The following ENTREP2 variants were observed in gnomAD, a reference collection of about 807,000 sequenced individuals.
ENTREP2 encodes endosomal transmembrane epsin interactor 2.
the ENTREP2 span, among the ~76,000 whole-genome samples, chr15:29,499,942 G>C: frequency 1.3e-5 from 2 of 152,054 alleles, no homozygotes; most frequent in Non-Finnish European, 2.9e-5. Context: ...AATAGAGCTG[G>C]AGTGTATACA....
At chr15:29,530,558 A>T in the ENTREP2 span, among the ~76,000 whole-genome samples, 1 of 152,144 alleles carries the variant, frequency 6.6e-6, no homozygotes, top group Non-Finnish European at 1.5e-5. Context: ...AGAGCGGTTC[A>T]CCACTTTGGA....
At chr15:29,184,974 G>C in the ENTREP2 span, among the ~76,000 whole-genome samples, 1 of 152,010 alleles carries the variant, frequency 6.6e-6, no homozygotes, top group Non-Finnish European at 1.5e-5. Flanking sequence ...TACTCAGGAG[G>C]CTGAGGCAGG....
At chr15:29,205,191 A>C in the ENTREP2 span, among the ~76,000 whole-genome samples, 1 of 152,218 alleles carries the variant, frequency 6.6e-6, no homozygotes. Context: ...TATCAGATGC[A>C]TCTACCATAT....
chr15:29,407,671 T>C, the ENTREP2 span, among the ~76,000 whole-genome samples: 1 of 148,414 alleles, frequency 6.7e-6, no homozygotes, highest in Non-Finnish European at 1.5e-5. Context: ...TTGCTCCCCA[T>C]TTTTTTGGGT....
chr15:29,177,569 G>A, the ENTREP2 span, among the ~76,000 whole-genome samples: 25 of 152,280 alleles, frequency 1.6e-4, no homozygotes, highest in Admixed American at 1.2e-3. Flanking sequence ...GCACAGAGAT[G>A]AAAAGAGGAA....
chr15:29,345,150 C>G, the ENTREP2 span, among the ~76,000 whole-genome samples: 3 of 152,244 alleles, frequency 2.0e-5, no homozygotes, highest in Non-Finnish European at 4.4e-5. Flanking sequence ...GTAGTAAGTG[C>G]TTACTAAATG....
At chr15:29,437,686 A>G in the ENTREP2 span, among the ~76,000 whole-genome samples, 1 of 152,218 alleles carries the variant, frequency 6.6e-6, no homozygotes, top group Non-Finnish European at 1.5e-5. Flanking sequence ...GGTTGGATAA[A>G]ATGTGCTTGA....
At chr15:29,160,433 A>G in the ENTREP2 span, among the ~76,000 whole-genome samples, 2 of 151,950 alleles carry the variant, frequency 1.3e-5, no homozygotes, top group Non-Finnish European at 2.9e-5. Context: ...GCACGCTGTC[A>G]CCTCTCAGTA....
At chr15:29,404,803 G>C in the ENTREP2 span, among the ~76,000 whole-genome samples, 1 of 152,034 alleles carries the variant, frequency 6.6e-6, no homozygotes, top group Non-Finnish European at 1.5e-5. Flanking sequence ...AATACAGCCA[G>C]TGCTCCTGGA....
chr15:29,258,230 A>AAAAG, the ENTREP2 span, among the ~76,000 whole-genome samples: 964 of 127,088 alleles, frequency 7.6e-3, 15 homozygotes, highest in East Asian at 0.025. Flanking sequence ...AAAAAAAAAA[A>AAAAG]AAAGAAAGAA....
chr15:29,365,212 G>A, the ENTREP2 span, among the ~76,000 whole-genome samples: 1 of 150,002 alleles, frequency 6.7e-6, no homozygotes, highest in Admixed American at 6.6e-5. Flanking sequence ...ATTATGCAAA[G>A]TTTCTTCCAT....
At chr15:29,573,104 T>C in the ENTREP2 span, among the ~76,000 whole-genome samples, 5 of 152,196 alleles carry the variant, frequency 3.3e-5, no homozygotes, top group Non-Finnish European at 7.3e-5. Flanking sequence ...CTCCCATTTA[T>C]GAATGAGAGA....
chr15:29,331,009 C>T, the ENTREP2 span, among the ~76,000 whole-genome samples: 1 of 152,202 alleles, frequency 6.6e-6, no homozygotes, highest in South Asian at 2.1e-4. Context: ...ATCCCCAGGG[C>T]CAGGCTCAGG....
chr15:29,347,162 T>C, the ENTREP2 span, among the ~76,000 whole-genome samples: 1 of 148,878 alleles, frequency 6.7e-6, no homozygotes, highest in Middle Eastern at 3.4e-3. Context: ...GTCTCGTGTA[T>C]GGTTTCTTTT....
the ENTREP2 span, among the ~76,000 whole-genome samples, chr15:29,444,686 C>T: frequency 1.3e-5 from 2 of 152,162 alleles, no homozygotes; most frequent in Middle Eastern, 3.4e-3. Context: ...AGGCTGGTCT[C>T]GAACTCCTGA....
At chr15:29,142,280 C>A in the ENTREP2 span, among the ~76,000 whole-genome samples, 5,478 of 152,288 alleles carry the variant, frequency 0.036, 311 homozygotes, top group African/African-American at 0.12. Flanking sequence ...ATGACCACAG[C>A]CCCAAATGAG....
At chr15:29,508,120 C>T in the ENTREP2 span, among the ~76,000 whole-genome samples, 2 of 152,312 alleles carry the variant, frequency 1.3e-5, no homozygotes, top group East Asian at 1.9e-4. Context: ...ACTATAAACA[C>T]CTCTATGCGA....
the ENTREP2 span, among the ~76,000 whole-genome samples, chr15:29,540,202 C>G: frequency 6.6e-6 from 1 of 152,148 alleles, no homozygotes; most frequent in African/African-American, 2.4e-5. Context: ...AATAATCAAG[C>G]CAGGGTATCC....
chr15:29,454,497 A>T, the ENTREP2 span, among the ~76,000 whole-genome samples: 1 of 152,126 alleles, frequency 6.6e-6, no homozygotes, highest in African/African-American at 2.4e-5. Flanking sequence ...ATCCAGACTC[A>T]GCTCCCCCAC....
Sources: allele counts gnomAD v4.1 joint callset (sites outside exome capture counted in the v4.1 genomes callset), GRCh38; gene constraint gnomAD v4.1.1; transcripts MANE v1.5; gene names NCBI Gene and HGNC (gene_info 2026-07-23, HGNC 2026-07-21).